Variants in TRPV3 observed in about 807,000 individuals in gnomAD.
TRPV3 encodes the protein transient receptor potential cation channel subfamily V member 3, also known as VRL-3.
Under a neutral mutation model 87.1 loss-of-function variants are expected in TRPV3, and 88 were observed. The observed-to-expected ratio is 1.01, with a 90% CI of 0.85 to 1.21. TRPV3 has a LOEUF of 1.21. TRPV3 is among the 50% of genes most tolerant of loss of function. The pLI, the probability that TRPV3 is intolerant of heterozygous loss-of-function variation, is 0.00. For synonymous variants in TRPV3, 438 were observed against 423.3 expected (o/e 1.03, Z -0.43); for missense variants, 1,054 against 1,030.1 (o/e 1.02, Z -0.32).
Position 3,543,623 on chromosome 17 carries a change from T to G in TRPV3, c.317A>C (p.Gln106Pro). The stretch of plus-strand genomic sequence containing the variant: ...CCTCCTCTGCTCTTCCTTGGCCAGC[T>G]GTGCACTGAAGCCAGAAAATGTTTC... The part of the protein sequence containing the change: ...TPSNPNSPSA[Q>P]LAKEEQRRKK... The change falls in exon 5 of 18, where the codon CAG becomes CCG. Residue 106 changes from glutamine to proline, a missense_variant. Physicochemically the swap from Gln to Pro is moderately conservative, Grantham distance 76 (BLOSUM62 -1). Coordinates refer to ENST00000576742, the MANE Select transcript of TRPV3 (RefSeq NM_145068.4). 6.2e-7 allele frequency: 1 copy of G among 1,614,072 alleles called. No homozygotes were observed. The highest frequency in any genetic ancestry group is 8.5e-7 in the Non-Finnish European group (1 of 1,179,994).
chr17:3,532,585 C>T lies in TRPV3; in HGVS notation c.1065+72G>A, dbSNP rs979533487. The T allele has an allele frequency of 2.4e-4, 376 of 1,555,342 alleles. 1 individual carries two copies. Among genetic ancestry groups the T allele is most frequent in the South Asian group, 4.8e-4 (40 of 83,682 alleles). On this transcript the variant is annotated intron_variant, in intron 8 of 17. Coordinates refer to ENST00000576742, the MANE Select transcript of TRPV3 (RefSeq NM_145068.4). ...GTTTGTGAATCCCCAGTAAGGCCCC[C>T]GGGGCTGAGAGGGTGGCAGCTGTAC...
chr17:3,542,747 T>A, intron 5 of TRPV3, 49 bp from the exon 6 acceptor site: 1 of 1,583,988 alleles, frequency 6.3e-7, no homozygotes, highest in Non-Finnish European at 8.6e-7. Flanking sequence ...CGGCTGCCCT[T>A]GGCCCTCCCA....
At position 3,530,201 on chromosome 17, in the gene TRPV3, G is replaced by C; in HGVS notation, c.1068C>G (p.Ile356Met). Residue 356 changes from isoleucine to methionine, a missense_variant and splice_region_variant, in exon 9 of 18, where the codon ATC becomes ATG. Transcript: ENST00000576742. This position sits in a 1 kb window ranked among gnomAD's most constrained non-coding sequence, Gnocchi z 4.0. ...TCTCACGACTGAGGATGTACTTCAG[G>C]ATCTGGGACAGGAGGAGGAACAACC... is the stretch of plus-strand genomic sequence containing the variant. ...QLAAKMGKAE[I>M]LKYILSREIK... 1 of 1,610,718 alleles carries C rather than the reference G, an allele frequency of 6.2e-7. No homozygotes were observed.
At chr17:3,546,674 G>C in intron 2 of TRPV3, 1 of 455,860 alleles carries the variant, frequency 2.2e-6, no homozygotes, top group South Asian at 1.6e-5. Context: ...AGGTAGCAAA[G>C]TCCAGATTCA....
At chr17:3,520,453 G>A (rs76059205) in intron 14 of TRPV3, among the ~76,000 whole-genome samples, 5 of 152,116 alleles carry the variant, frequency 3.3e-5, no homozygotes, top group South Asian at 2.1e-4. Context: ...TTTAGTTTCC[G>A]CATCTGTTAA....
In TRPV3 at chr17:3,513,114, AC is replaced by A. The variant is rs2074136038; in HGVS notation, c.*802del. 1 of 152,586 alleles carries A rather than the reference AC, an allele frequency of 6.6e-6. No homozygotes were observed. The highest frequency in any genetic ancestry group is 2.4e-5 in the African/African-American group (1 of 41,428). 9.5% of individuals were successfully genotyped at this position (152,586 alleles called of 1,614,324 possible). A position where few individuals can be genotyped will look rare whatever the true frequency, so the allele number is the denominator to read the frequency against. ...AAAAGCTTTTTGTCTTGCTCTGGGC[AC>A]CCTGAGGCCAAATATATAATACTTA... is the stretch of plus-strand genomic sequence containing the variant. On this transcript the variant is annotated 3_prime_UTR_variant, in exon 18 of 18. Transcript: ENST00000576742.
At chr17:3,554,499 A>G (rs2074607841) in intron 2 of TRPV3, 1 of 463,972 alleles carries the variant, frequency 2.2e-6, no homozygotes, top group South Asian at 4.1e-5. Flanking sequence ...GATCCCTCCA[A>G]GGAGGCTTCC....
rs188168113 is a variant in TRPV3 at position 3,518,662 on chromosome 17, C to T, written c.1999G>A (p.Val667Ile). ...GCAATGAGCATGTTGAGGAGGAGAA[C>T]AAAGGTGAGGATGACATAGGTGATG... ...LLITYVILTF[V>I]LLLNMLIALM... The change falls in exon 15 of 18, where the codon GTT becomes ATT. Residue 667 changes from valine (V) to isoleucine (I), a missense_variant. By Grantham distance (29) the Val-to-Ile change is conservative. Coordinates refer to ENST00000576742, the MANE Select transcript of TRPV3 (RefSeq NM_145068.4). This position sits in a 1 kb window ranked among gnomAD's most constrained non-coding sequence, Gnocchi z 4.3. The T allele has an allele frequency of 3.4e-5, 54 of 1,603,436 alleles. No homozygotes were observed. In the East Asian group the frequency reaches 1.1e-3, roughly 31 times the overall value.
chr17:3,528,725 CG>C lies in TRPV3; in HGVS notation c.1401+111del. 7.6e-7 allele frequency: 1 copy of C among 1,308,172 alleles called. No individual in the cohort carries two copies. The highest frequency in any genetic ancestry group is 2.3e-5 in the Admixed American group (1 of 43,604). 81.0% of individuals were successfully genotyped at this position (1,308,172 alleles called of 1,614,324 possible). A position where few individuals can be genotyped will look rare whatever the true frequency, so the allele number is the denominator to read the frequency against. ...AGCGTGAAGGACAACTGGGGGACCC[CG>C]CCCAATCTCCTGGTCTCTCTGGGCC... On this transcript the variant is annotated intron_variant, in intron 10 of 17. Transcript: ENST00000576742. This position sits in a 1 kb window ranked among gnomAD's most constrained non-coding sequence, Gnocchi z 4.2.
At chr17:3,535,230 T>TCCTCCCTC (rs2074391932) in intron 7 of TRPV3, among the ~76,000 whole-genome samples, 1 of 26,676 alleles carries the variant, frequency 3.7e-5, no homozygotes, top group African/African-American at 1.2e-4. Flanking sequence ...CCTGCCTCCC[T>TCCTCCCTC]CCTCCCTCCC....
rs980507397 is a variant in TRPV3, at chr17:3,511,566, G to T, written c.*2351C>A. 6.6e-6 allele frequency: 1 copy of T among 152,224 alleles called. No homozygotes were observed. The highest frequency in any genetic ancestry group is 2.4e-5 in the African/African-American group (1 of 41,448). 9.4% of individuals were successfully genotyped at this position (152,224 alleles called of 1,614,324 possible). On this transcript the variant is annotated 3_prime_UTR_variant, in exon 18 of 18. Coordinates refer to ENST00000576742, the MANE Select transcript of TRPV3 (RefSeq NM_145068.4). The stretch of plus-strand genomic sequence containing the variant: ...TTGGTAAACCTACCTAGGCTCAGAC[G>T]TTTTGGCTGAAAGCCTTTTGGGGTG...
At chr17:3,545,521 A>G (rs1267408764) in intron 2 of TRPV3, among the ~76,000 whole-genome samples, 1 of 152,126 alleles carries the variant, frequency 6.6e-6, no homozygotes, top group East Asian at 1.9e-4. Context: ...ACTGAGGCGA[A>G]CCCAATTGAT....
At chr17:3,548,774 C>A (rs955376005) in intron 2 of TRPV3, among the ~76,000 whole-genome samples, 15 of 152,184 alleles carry the variant, frequency 9.9e-5, no homozygotes, top group Non-Finnish European at 1.8e-4. Flanking sequence ...TGCCTGGGAA[C>A]CTAAAGCCTG....
intron 6 of TRPV3, among the ~76,000 whole-genome samples, chr17:3,537,890 TTTAAA>T (rs1567640252): frequency 1.6e-4 from 4 of 25,110 alleles, no homozygotes; most frequent in Non-Finnish European, 5.4e-4. Flanking sequence ...ACTCTGTCTT[TTTAAA>T]AAAAAAAAAA....
At chr17:3,533,199 G>C (rs1050432067) in intron 7 of TRPV3, among the ~76,000 whole-genome samples, 1 of 152,112 alleles carries the variant, frequency 6.6e-6, no homozygotes, top group African/African-American at 2.4e-5. Context: ...GCCTCCCCCA[G>C]AATGAAAGCA....
rs267604828 is a variant in TRPV3 at position 3,542,525 on chromosome 17, C to T, written c.640G>A (p.Glu214Lys). 6 of 1,613,142 alleles carry T rather than the reference C, an allele frequency of 3.7e-6. No homozygotes were observed. The highest frequency in any genetic ancestry group is 5.1e-6 in the Non-Finnish European group (6 of 1,179,536). ...INAEYTEEAY[E>K]GQTALNIAIE... The stretch of plus-strand genomic sequence containing the variant: ...AGCCCCTCTGCAGGCAGGATACCTT[C>T]ATAGGCCTCCTCTGTGTACTCGGCG... Residue 214 changes from glutamate to lysine, a missense_variant, in exon 6 of 18, where the codon GAA becomes AAA. Coordinates refer to ENST00000576742, the MANE Select transcript of TRPV3 (RefSeq NM_145068.4).
intron 13 of TRPV3, 109 bp from the exon 14 acceptor site, chr17:3,521,148 A>C: frequency 2.2e-6 from 1 of 446,118 alleles, no homozygotes. Flanking sequence ...CTGTCTCTTC[A>C]CTTGGGCCAC....
Position 3,549,701 on chromosome 17 carries a change from TGATG to T in TRPV3, c.120-4434_120-4431del, listed in dbSNP as rs144321631. Among the ~76,000 whole-genome samples the T allele has an allele frequency of 3.5e-3, 518 of 147,964 alleles. 4 individuals carry two copies. The highest frequency in any genetic ancestry group is 0.011 in the African/African-American group (434 of 40,116). ...TGGAATGGGTAGATGAGTGGATGGA[TGATG>T]GATGGATGGATGGATGGATGGATGG... On this transcript the variant is annotated intron_variant, in intron 2 of 17. Transcript: ENST00000576742.
At chr17:3,525,640 G>C (rs1344349325) in intron 12 of TRPV3, among the ~76,000 whole-genome samples, 2 of 145,200 alleles carry the variant, frequency 1.4e-5, no homozygotes, top group African/African-American at 5.1e-5. Context: ...TTTTTTTTGA[G>C]ATGTAGTCTC....
Sources: gnomAD v4.1 joint callset for allele counts (sites outside exome capture counted in the v4.1 genomes callset) on GRCh38, gnomAD v4.1.1 for gene constraint, Gnocchi (gnomAD v3.1) non-coding constraint, MANE v1.5 for transcripts, NCBI Gene and HGNC (gene_info 2026-07-23, HGNC 2026-07-21) for gene names.